The following CEP120 variants were observed in gnomAD, a reference collection of about 807,000 sequenced individuals.
CEP120 encodes centrosomal protein of 120 kDa.
In CEP120, 113 loss-of-function variants were observed where a neutral mutation model predicts 126.5. The observed-to-expected ratio is 0.89, with a 90% confidence interval of 0.77 to 1.04. The LOEUF is 1.04. Among genes scored for constraint, CEP120 ranks in the 50% least tolerant of loss-of-function variants. The pLI is 0.00. For synonymous variants in CEP120, 400 were observed against 394.3 expected (o/e 1.01, Z -0.17); for missense variants, 1,230 against 1,155.7 (o/e 1.06, Z -0.93).
chr5:123,393,476 G>C lies in CEP120; in HGVS notation c.634C>G (p.Leu212Val), dbSNP rs779407868. Residue 212 changes from leucine to valine, a missense_variant, in exon 6 of 20, where the codon CTT (leucine) becomes GTT (valine). Coordinates refer to ENST00000306467, the MANE Select transcript of CEP120 (RefSeq NM_001375405.1). The stretch of plus-strand genomic sequence containing the variant: ...AAAAACTCAGGCTGTCTTTCTGGAA[G>C]TTTCATGGTACATGGAATTAACTAA... ...LEQLIPCTMK[L>V]PERQPEFFFY... 12 of 1,613,774 alleles carry C rather than the reference G, an allele frequency of 7.4e-6. No individual in the cohort carries two copies. The Admixed American group carries it at 1.8e-4, about 25-fold the overall frequency.
Position 123,404,464 on chromosome 5 carries a change from A to AT in CEP120, c.464-5181dup, listed in dbSNP as rs1773512326. Among the ~76,000 whole-genome samples the AT allele has an allele frequency of 1.3e-5, 2 of 152,226 alleles. 1 individual carries two copies. The highest frequency in any genetic ancestry group is 4.8e-5 in the African/African-American group (2 of 41,452). ...CTTCGGCACAGAAGAGTATGATTGTATGACTGATGCCTGGTAAATAAATAG... is the reference window on the plus strand; with the variant it reads ...CTTCGGCACAGAAGAGTATGATTGTATTGACTGATGCCTGGTAAATAAATAG... On this transcript the variant is annotated intron_variant, in intron 4 of 19. Coordinates refer to ENST00000306467, the MANE Select transcript of CEP120 (RefSeq NM_001375405.1).
chr5:123,349,948 TC>T lies in CEP120; in HGVS notation c.2721del (p.Asn908ThrfsTer3). 6.2e-7 allele frequency: 1 copy of T among 1,612,952 alleles called. No individual in the cohort carries two copies. The highest frequency in any genetic ancestry group is 2.2e-5 in the East Asian group (1 of 44,804). ...AAACACTTTTAGTTATTATACCTGT[TC>T]AATTCATTTCTTATATCCAACAATT... ...RQELLDIRNE[L>X]NRLRQQEQKQ... On this transcript the variant is annotated frameshift_variant, in exon 19 of 20. Coordinates refer to ENST00000306467, the MANE Select transcript of CEP120 (RefSeq NM_001375405.1). LOFTEE classifies it high-confidence loss of function.
rs529943020 is a variant in CEP120 at position 123,392,775 on chromosome 5, G to A, written c.810+525C>T. On this transcript the variant is annotated intron_variant, in intron 6 of 19. Transcript: ENST00000306467. ...TCCTCCCATCTTAGCCTCTCAAAGTGCTGGAATTATAGGTGTGAGCTACCA... is the reference window on the plus strand; with the variant it reads ...TCCTCCCATCTTAGCCTCTCAAAGTACTGGAATTATAGGTGTGAGCTACCA... Among the ~76,000 whole-genome samples the A allele has an allele frequency of 3.3e-5, 5 of 152,304 alleles. No homozygotes were observed. In the South Asian group the frequency reaches 1.0e-3, roughly 32 times the overall value.
chr5:123,374,832 AATTCCAGAAC>A (rs1201253965), intron 16 of CEP120, among the ~76,000 whole-genome samples: 5 of 152,154 alleles, frequency 3.3e-5, no homozygotes, highest in African/African-American at 1.2e-4. Flanking sequence ...GTTTCTTCAC[AATTCCAGAAC>A]ATTATCATAC....
chr5:123,423,019 G>A lies in CEP120; in HGVS notation c.-21C>T, dbSNP rs748378562. Reference sequence around the variant, plus strand: ...ACCATGGTTGCGGTGAGCGGTCCGGGGGCGAAGGCGGCTGGGGGGAAGTGA... The same window carrying A: ...ACCATGGTTGCGGTGAGCGGTCCGGAGGCGAAGGCGGCTGGGGGGAAGTGA... On this transcript the variant is annotated 5_prime_UTR_variant, in exon 1 of 20. Transcript: ENST00000306467. 1.2e-6 allele frequency: 2 copies of A among 1,611,940 alleles called. No individual in the cohort carries two copies. Among genetic ancestry groups the A allele is most frequent in the South Asian group, 2.2e-5 (2 of 91,050 alleles).
In CEP120 at chr5:123,345,113, GTTCCA is replaced by G. The variant is rs1768719262; in HGVS notation, c.*1401_*1405del. The stretch of plus-strand genomic sequence containing the variant: ...CTTCCAAAACATAAGGCTTGCTTCT[GTTCCA>G]TTCAAGTGGCACAAAAATCAATGAG... On this transcript the variant is annotated 3_prime_UTR_variant, in exon 20 of 20. Transcript: ENST00000306467. 1 of 152,078 alleles carries G rather than the reference GTTCCA, an allele frequency of 6.6e-6. No homozygotes were observed. The highest frequency in any genetic ancestry group is 2.4e-5 in the African/African-American group (1 of 41,398). 9.4% of individuals were successfully genotyped at this position (152,078 alleles called of 1,614,324 possible). A position where few individuals can be genotyped will look rare whatever the true frequency, so the allele number is the denominator to read the frequency against.
At chr5:123,369,184 T>C (rs1326456775) in intron 17 of CEP120, among the ~76,000 whole-genome samples, 1 of 151,996 alleles carries the variant, frequency 6.6e-6, no homozygotes, top group Non-Finnish European at 1.5e-5. Flanking sequence ...CTCTCCTACT[T>C]AAAACCTTTC....
chr5:123,401,978 C>T, intron 4 of CEP120: 14 of 1,602,232 alleles, frequency 8.7e-6, no homozygotes, highest in Non-Finnish European at 1.2e-5. Context: ...GGAGGCTCCA[C>T]TTGGTCTCCA....
At position 123,385,080 on chromosome 5, in the gene CEP120, A is replaced by G. The variant is rs1771926457; in HGVS notation, c.1634T>C (p.Leu545Pro). 1 of 1,613,782 alleles carries G rather than the reference A, an allele frequency of 6.2e-7. No homozygotes were observed. The highest frequency in any genetic ancestry group is 1.7e-4 in the Middle Eastern group (1 of 6,054). ...WHKDKMSKDL[L>P]LGIARIQLSN... ...AAGCTGGATTCTCGCAATTCCCAGAAGTAAATCTTTACTCATTTTATCCTT... is the reference window on the plus strand; with the variant it reads ...AAGCTGGATTCTCGCAATTCCCAGAGGTAAATCTTTACTCATTTTATCCTT... The change falls in exon 11 of 20, where the codon CTT (leucine) becomes CCT (proline). Residue 545 changes from leucine to proline, a missense_variant. Physicochemically the swap from Leu to Pro is moderately conservative, Grantham distance 98. Transcript: ENST00000306467.
intron 5 of CEP120, among the ~76,000 whole-genome samples, chr5:123,397,970 G>C (rs914819396): frequency 6.6e-6 from 1 of 152,094 alleles, no homozygotes; most frequent in Non-Finnish European, 1.5e-5. Context: ...TATAATCCCA[G>C]CTACTCAGGA....
intron 1 of CEP120, among the ~76,000 whole-genome samples, chr5:123,419,874 A>G (rs1248695385): frequency 6.6e-6 from 1 of 152,230 alleles, no homozygotes; most frequent in Non-Finnish European, 1.5e-5. Context: ...TCAACGAAGA[A>G]GCACTAAGAA....
At chr5:123,382,040 C>G in intron 14 of CEP120, 71 bp downstream of exon 14, 1 of 1,090,554 alleles carries the variant, frequency 9.2e-7, no homozygotes, top group Non-Finnish European at 1.4e-6. Flanking sequence ...CAGAGACTGT[C>G]TTTAACGCAA....
At chr5:123,415,651 A>T (rs1394213885) in intron 3 of CEP120, among the ~76,000 whole-genome samples, 1 of 152,192 alleles carries the variant, frequency 6.6e-6, no homozygotes, top group Non-Finnish European at 1.5e-5. Flanking sequence ...AGGCAGGCAG[A>T]TCACTTGAGG....
intron 14 of CEP120, among the ~76,000 whole-genome samples, chr5:123,381,288 C>T (rs1771625626): frequency 6.6e-6 from 1 of 152,082 alleles, no homozygotes; most frequent in South Asian, 2.1e-4. Flanking sequence ...CAAACAGACA[C>T]TAGCAATCTT....
chr5:123,348,799 G>C (rs963714381), intron 19 of CEP120, among the ~76,000 whole-genome samples: 16 of 152,120 alleles, frequency 1.1e-4, no homozygotes, highest in Non-Finnish European at 1.0e-4. Flanking sequence ...GGTCATGAGG[G>C]TGAACTCTCA....
chr5:123,396,117 G>A (rs1386814592), intron 5 of CEP120, among the ~76,000 whole-genome samples: 2 of 151,586 alleles, frequency 1.3e-5, no homozygotes, highest in Non-Finnish European at 2.9e-5. Context: ...ACAGGTGTAT[G>A]CCACACCACC....
intron 1 of CEP120, chr5:123,422,574 G>C (rs6882791): frequency 0.72 from 1,105,429 of 1,532,264 alleles, 400,520 homozygotes; most frequent in East Asian, 0.91. Flanking sequence ...ATCGCAGGAA[G>C]CCTGTATTCA....
intron 18 of CEP120, among the ~76,000 whole-genome samples, chr5:123,357,809 T>A (rs1769754098): frequency 6.6e-6 from 1 of 152,158 alleles, no homozygotes; most frequent in Admixed American, 6.6e-5. Flanking sequence ...AATGAAAATG[T>A]AAGTAAGTCC....
intron 4 of CEP120, among the ~76,000 whole-genome samples, chr5:123,405,615 G>C (rs1283348835): frequency 6.6e-6 from 1 of 152,084 alleles, no homozygotes; most frequent in Non-Finnish European, 1.5e-5. Flanking sequence ...CCATCTAAGG[G>C]AAGAAAAAAC....
Sources: gnomAD v4.1 joint callset for allele counts (sites outside exome capture counted in the v4.1 genomes callset) on GRCh38, gnomAD v4.1.1 for gene constraint, MANE v1.5 for transcripts, NCBI Gene and HGNC (gene_info 2026-07-23, HGNC 2026-07-21) for gene names.